The following WWOX variants were observed in gnomAD, a reference collection of about 807,000 sequenced individuals.
WWOX encodes the protein WW domain containing oxidoreductase.
In WWOX, 69 loss-of-function variants were observed where a neutral mutation model predicts 46.2. That is an observed-to-expected ratio of 1.49 (90% confidence interval 1.23 to 1.82). The LOEUF is 1.82. Among genes scored for constraint, WWOX ranks in the 40% most tolerant of loss-of-function variants. WWOX has a pLI of 0.00. For synonymous variants in WWOX, 359 were observed against 202.6 expected, an observed-to-expected ratio of 1.77 and a Z score of -6.56; for missense variants, 919 against 542.6, an observed-to-expected ratio of 1.69 and a Z score of -6.89.
intron 8 of WWOX, among the ~76,000 whole-genome samples, chr16:79,131,040 A>T (rs774486020): frequency 7.2e-5 from 11 of 152,228 alleles, no homozygotes; most frequent in Non-Finnish European, 1.3e-4. Context: ...ACCAGAACAC[A>T]CAATGACCAG....
chr16:78,996,151 AT>A (rs35035488), intron 8 of WWOX: 1,362 of 868,950 alleles, frequency 1.6e-3, no homozygotes, highest in Non-Finnish European at 1.7e-3. Context: ...CTTTTTTTTA[AT>A]TTTTTTTTTA....
intron 8 of WWOX, among the ~76,000 whole-genome samples, chr16:78,759,525 C>G (rs1380129635): frequency 6.6e-6 from 1 of 151,728 alleles, no homozygotes; most frequent in Non-Finnish European, 1.5e-5. Context: ...GTGGGTGAGC[C>G]TGCCCATATC....
chr16:78,155,458 T>C (rs1476830116), intron 4 of WWOX, among the ~76,000 whole-genome samples: 4 of 152,332 alleles, frequency 2.6e-5, no homozygotes, highest in Admixed American at 2.0e-4. Context: ...AACTTGAATG[T>C]TTGTGTTCAA....
intron 8 of WWOX, among the ~76,000 whole-genome samples, chr16:78,524,408 GTTTA>G (rs751207225): frequency 0.021 from 2,589 of 121,958 alleles, 54 homozygotes; most frequent in African/African-American, 0.056. Context: ...TTATTTATTT[GTTTA>G]TTTATTTATT....
rs776896299 is a variant in WWOX, at chr16:79,211,752, A to G, written c.1201A>G (p.Ser401Gly). The change falls in exon 9 of 9, where the codon AGC becomes GGC. Residue 401 changes from serine (S) to glycine (G), a missense_variant. Ser to Gly is a moderately conservative substitution (Grantham distance 56, BLOSUM62 0). Transcript: ENST00000566780. ...GACGGCCCGGACCCTGTGGGCGCTC[A>G]GCGAGAGGCTGATCCAAGAACGGCT... ...EETARTLWAL[S>G]ERLIQERLGS... 6.2e-7 allele frequency: 1 copy of G among 1,614,206 alleles called. No individual in the cohort carries two copies. The highest frequency in any genetic ancestry group is 1.7e-5 in the Admixed American group (1 of 60,022).
chr16:78,722,709 T>C (rs1003144892), intron 8 of WWOX, among the ~76,000 whole-genome samples: 161 of 150,238 alleles, frequency 1.1e-3, no homozygotes, highest in African/African-American at 3.8e-3. Context: ...TTTTTTTTTT[T>C]TTTTTTTTTT....
chr16:79,094,000 G>A (rs1018638068), intron 8 of WWOX, among the ~76,000 whole-genome samples: 7 of 152,132 alleles, frequency 4.6e-5, no homozygotes, highest in African/African-American at 7.2e-5. Flanking sequence ...GGGAATGAAC[G>A]AATACATGTA....
intron 4 of WWOX, among the ~76,000 whole-genome samples, chr16:78,136,732 A>G (rs1475923904): frequency 6.6e-6 from 1 of 152,210 alleles, no homozygotes; most frequent in African/African-American, 2.4e-5. Context: ...CCAAGTTACT[A>G]CCTAACTGAG....
intron 5 of WWOX, among the ~76,000 whole-genome samples, chr16:78,250,686 C>G (rs954985328): frequency 2.6e-5 from 4 of 152,082 alleles, no homozygotes; most frequent in Non-Finnish European, 5.9e-5. Flanking sequence ...CCAGTGATGG[C>G]GGGCTGGATA....
chr16:78,796,142 C>T (rs193118447), intron 8 of WWOX, among the ~76,000 whole-genome samples: 2 of 152,314 alleles, frequency 1.3e-5, no homozygotes, highest in Non-Finnish European at 2.9e-5. Flanking sequence ...GCCTTCCTTC[C>T]AGGACTTTCT....
intron 5 of WWOX, among the ~76,000 whole-genome samples, chr16:78,310,207 T>G (rs903948385): frequency 2.6e-5 from 4 of 152,178 alleles, no homozygotes; most frequent in Non-Finnish European, 5.9e-5. Context: ...TGTGTTTCCT[T>G]CTACCCACGA....
chr16:78,629,648 C>T (rs1338345634), intron 8 of WWOX, among the ~76,000 whole-genome samples: 1 of 152,204 alleles, frequency 6.6e-6, no homozygotes, highest in Non-Finnish European at 1.5e-5. Flanking sequence ...CTGCTCCTTG[C>T]CACAGGGCCT....
At chr16:78,850,072 TAAA>T (rs61690680) in intron 8 of WWOX, among the ~76,000 whole-genome samples, 2 of 145,070 alleles carry the variant, frequency 1.4e-5, no homozygotes, top group Admixed American at 1.4e-4. Flanking sequence ...AATTCCTTCT[TAAA>T]AAAAAAAAAT....
chr16:78,863,597 C>G (rs1237068190), intron 8 of WWOX, among the ~76,000 whole-genome samples: 1 of 152,166 alleles, frequency 6.6e-6, no homozygotes, highest in African/African-American at 2.4e-5. Flanking sequence ...GAGTGAATCT[C>G]CCAACCATAA....
At chr16:78,910,884 C>G (rs997321981) in intron 8 of WWOX, among the ~76,000 whole-genome samples, 1 of 151,864 alleles carries the variant, frequency 6.6e-6, no homozygotes, top group Non-Finnish European at 1.5e-5. Context: ...GGGGACACAG[C>G]CAAACCATAT....
chr16:78,636,865 A>T (rs976742260), intron 8 of WWOX, among the ~76,000 whole-genome samples: 1 of 152,176 alleles, frequency 6.6e-6, no homozygotes, highest in Non-Finnish European at 1.5e-5. Flanking sequence ...CCTGAGCTGC[A>T]TCATTTAAAG....
chr16:78,668,423 A>G (rs1442652810), intron 8 of WWOX, among the ~76,000 whole-genome samples: 13 of 152,240 alleles, frequency 8.5e-5, no homozygotes, highest in Non-Finnish European at 7.3e-5. Context: ...GTAACCAGGA[A>G]TGACATTCCA....
intron 8 of WWOX, among the ~76,000 whole-genome samples, chr16:78,685,930 G>C (rs1177734812): frequency 6.6e-6 from 1 of 152,028 alleles, no homozygotes; most frequent in Non-Finnish European, 1.5e-5. Context: ...AGAGAGGTGG[G>C]TAGGGAGGGA....
chr16:78,218,888 C>A (rs895711790), intron 5 of WWOX, among the ~76,000 whole-genome samples: 1 of 152,218 alleles, frequency 6.6e-6, no homozygotes, highest in African/African-American at 2.4e-5. Flanking sequence ...GTTAAAGATA[C>A]AGATGTCTGG....
Sources: gnomAD v4.1 joint callset for allele counts (sites outside exome capture counted in the v4.1 genomes callset) on GRCh38, gnomAD v4.1.1 for gene constraint, MANE v1.5 for transcripts, NCBI Gene and HGNC (gene_info 2026-07-23, HGNC 2026-07-21) for gene names.